Variants in MMEL1 observed in about 807,000 individuals in gnomAD.
MMEL1 encodes membrane metalloendopeptidase like 1, also known as membrane metallo-endopeptidase-like 1.
Under a neutral mutation model 117.1 loss-of-function variants are expected in MMEL1, and 98 were observed. The ratio of observed to expected loss-of-function variants is 0.84; its 90% confidence interval spans 0.71 to 0.99. The LOEUF is 0.99. Ranked by LOEUF, MMEL1 falls within the 50% of genes least tolerant of loss-of-function variation. The probability of loss-of-function intolerance (pLI) is 0.00; values close to 1 mark genes in which losing one functional copy is unlikely to be tolerated. For synonymous variants in MMEL1, 390 were observed against 415.1 expected, an observed-to-expected ratio of 0.94 and a Z score of 0.74; for missense variants, 1,014 against 1,049.1, an observed-to-expected ratio of 0.97 and a Z score of 0.46.
chr1:2,594,511 T>C, intron 17 of MMEL1, 68 bp from the exon 18 acceptor site: 1 of 1,512,704 alleles, frequency 6.6e-7, no homozygotes, highest in Non-Finnish European at 9.0e-7. Context: ...TCTCTCTGCC[T>C]TGATGGACCA....
chr1:2,619,291 A>T (rs1645253533), intron 2 of MMEL1, among the ~76,000 whole-genome samples: 1 of 152,202 alleles, frequency 6.6e-6, no homozygotes, highest in African/African-American at 2.4e-5. Context: ...TATGCCAGTG[A>T]GTGTTGGGCT....
Position 2,594,834 on chromosome 1 carries a change from G to T in MMEL1, c.1644C>A (p.Ala548=), listed in dbSNP as rs760632815. 1 of 1,613,882 alleles carries T rather than the reference G, an allele frequency of 6.2e-7. No homozygotes were observed. Among genetic ancestry groups the T allele is most frequent in the African/African-American group, 1.3e-5 (1 of 74,946 alleles). ...ENSLQNLKVG[A]QRSLRKLREK... The stretch of plus-strand genomic sequence containing the variant: ...CCCGAAGCTTCCTGAGGCTCCGCTG[G>T]GCGCCCACCTTGAGGTTCTGCAGAC... Residue 548 remains alanine, a synonymous_variant, in exon 17 of 24, where the codon GCC becomes GCA. Coordinates refer to ENST00000378412, the MANE Select transcript of MMEL1 (RefSeq NM_033467.4).
intron 2 of MMEL1, among the ~76,000 whole-genome samples, chr1:2,628,720 G>A (rs1219797830): frequency 6.6e-6 from 1 of 151,752 alleles, no homozygotes; most frequent in Non-Finnish European, 1.5e-5. Context: ...GGGGGCGGGG[G>A]GAGTGTTCCC....
At chr1:2,628,237 GGGCTGCGGTCT>G (rs1638362190) in intron 2 of MMEL1, among the ~76,000 whole-genome samples, 1 of 152,160 alleles carries the variant, frequency 6.6e-6, no homozygotes, top group Non-Finnish European at 1.5e-5. Flanking sequence ...AGAGGGCCAG[GGGCTGCGGTCT>G]GGGCAGCAGC....
At position 2,604,135 on chromosome 1, in the gene MMEL1, C is replaced by CCCCCCCCGAAACAT; in HGVS notation, c.951+11_951+12insATGTTTCGGGGGGG. On this transcript the variant is annotated intron_variant, in intron 10 of 23. Coordinates refer to ENST00000378412, the MANE Select transcript of MMEL1 (RefSeq NM_033467.4). ...CTCGCTGCCCGCTCCCCACCCGCCC[C>CCCCCCCCGAAACAT]GGCCCCCTTACCTTGGCCAGCTGTG... The CCCCCCCCGAAACAT allele has an allele frequency of 6.6e-7, 1 of 1,520,166 alleles. No individual in the cohort carries two copies. Among genetic ancestry groups the CCCCCCCCGAAACAT allele is most frequent in the Non-Finnish European group, 9.1e-7 (1 of 1,100,358 alleles). The allele number at this position is 1,520,166 out of a possible 1,614,324, so 94.2% of individuals were successfully genotyped here.
intron 6 of MMEL1, among the ~76,000 whole-genome samples, chr1:2,607,551 C>T (rs1488308672): frequency 2.0e-5 from 3 of 151,966 alleles, no homozygotes; most frequent in African/African-American, 7.3e-5. Flanking sequence ...ACGGTGGGGC[C>T]CCGACAAGCA....
At position 2,592,851 on chromosome 1, in the gene MMEL1, G is replaced by T; in HGVS notation, c.1983C>A (p.Asp661Glu). Reference protein sequence around the residue: ...MIYQYGNYSWDLADEQNVNGF... With the variant: ...MIYQYGNYSWELADEQNVNGF... Reference sequence around the variant, plus strand: ...CGCTCACGTTCTGTTCGTCTGCCAGGTCCCAGGAGTAGTTGCCGTACTGGT... The same window carrying T: ...CGCTCACGTTCTGTTCGTCTGCCAGTTCCCAGGAGTAGTTGCCGTACTGGT... The change falls in exon 20 of 24, where the codon GAC (aspartate) becomes GAA (glutamate). Residue 661 changes from aspartate (D) to glutamate (E), a missense_variant. Coordinates refer to ENST00000378412, the MANE Select transcript of MMEL1 (RefSeq NM_033467.4). 6.2e-7 allele frequency: 1 copy of T among 1,613,700 alleles called. No homozygotes were observed. Among genetic ancestry groups the T allele is most frequent in the African/African-American group, 1.3e-5 (1 of 74,976 alleles).
chr1:2,626,459 C>T (rs1020237650), intron 2 of MMEL1, among the ~76,000 whole-genome samples: 1 of 152,248 alleles, frequency 6.6e-6, no homozygotes, highest in Non-Finnish European at 1.5e-5. Flanking sequence ...CACATACATG[C>T]TTCATCTCAC....
chr1:2,596,122 T>C lies in MMEL1; in HGVS notation c.1402-15A>G. 3.7e-6 allele frequency: 6 copies of C among 1,607,878 alleles called. No homozygotes were observed. Among genetic ancestry groups the C allele is most frequent in the Non-Finnish European group, 4.3e-6 (5 of 1,174,434 alleles). On this transcript the variant is annotated splice_polypyrimidine_tract_variant and intron_variant, in intron 14 of 23. Transcript: ENST00000378412. ...AGTTCTCTGACCTGGGAATCGGGCA[T>C]GGCCCTCGTGTCCCAGACTCATCTG...
chr1:2,597,719 G>A lies in MMEL1; in HGVS notation c.1272+488C>T, dbSNP rs187019850. 1.8e-4 allele frequency among the ~76,000 whole-genome samples: 28 copies of A among 152,306 alleles called. No homozygotes were observed. In the East Asian group the frequency reaches 4.2e-3, roughly 23 times the overall value. On this transcript the variant is annotated intron_variant, in intron 13 of 23. Transcript: ENST00000378412. ...CTACAGGAGCAGCATATCTGACCGC[G>A]TCTCTGCTCTTAGCACCCCTGCGGC...
At chr1:2,620,664 A>C (rs182767690) in intron 2 of MMEL1, among the ~76,000 whole-genome samples, 16 of 152,190 alleles carry the variant, frequency 1.1e-4, no homozygotes, top group Admixed American at 9.8e-4. Flanking sequence ...TAAGAGGGGG[A>C]AGAAATGACA....
rs1644882953 is a variant in MMEL1, at chr1:2,598,565, C to T, written c.1178+89G>A. 7.0e-6 allele frequency: 11 copies of T among 1,576,210 alleles called. No homozygotes were observed. The South Asian group carries it at 1.3e-4, about 18-fold the overall frequency. ...CCTCAGGGCAGATGCTTCATAGGGT[C>T]CCCTCCTGGGAGCAGAAGCTGTGTT... On this transcript the variant is annotated intron_variant, in intron 12 of 23. Transcript: ENST00000378412.
At chr1:2,601,099 T>C (rs1483304638) in intron 11 of MMEL1, among the ~76,000 whole-genome samples, 2 of 152,194 alleles carry the variant, frequency 1.3e-5, no homozygotes, top group African/African-American at 4.8e-5. Context: ...TGTATGCAAA[T>C]GGAAGGCAGA....
At chr1:2,627,131 C>T (rs557157205) in intron 2 of MMEL1, among the ~76,000 whole-genome samples, 2 of 152,334 alleles carry the variant, frequency 1.3e-5, no homozygotes, top group South Asian at 2.1e-4. Context: ...AAGTCAGAAA[C>T]GGTGACTACA....
rs1319830346 is a variant in MMEL1, at chr1:2,612,207, G to A, written c.155-3C>T. On this transcript the variant is annotated splice_polypyrimidine_tract_variant and splice_region_variant and intron_variant, in intron 2 of 23. Coordinates refer to ENST00000378412, the MANE Select transcript of MMEL1 (RefSeq NM_033467.4). The surrounding 1 kb of genome is among the most constrained non-coding windows in gnomAD (Gnocchi z 5.4). ...AGCAAGGCGTGGCAGCTGCTTCCCT[G>A]GGGAGAAACACAGCGCTCAGCTGCG... The A allele has an allele frequency of 6.4e-7, 1 of 1,566,542 alleles. No individual in the cohort carries two copies.
chr1:2,595,179 G>C lies in MMEL1; in HGVS notation c.1584+97C>G. 1.8e-6 allele frequency: 2 copies of C among 1,119,822 alleles called. No individual in the cohort carries two copies. Among genetic ancestry groups the C allele is most frequent in the South Asian group, 1.4e-5 (1 of 70,782 alleles). 69.4% of individuals were successfully genotyped at this position (1,119,822 alleles called of 1,614,324 possible). On this transcript the variant is annotated intron_variant, in intron 16 of 23. Transcript: ENST00000378412. This position sits in a 1 kb window ranked among gnomAD's most constrained non-coding sequence, Gnocchi z 4.8. ...TGAGGACAGCTGTGTTAGCGCCTGG[G>C]AGGAGGGCACAGAGCTTGGCACAGA...
rs998313906 is a variant in MMEL1, at chr1:2,612,711, C to T, written c.155-507G>A. 6.6e-6 allele frequency among the ~76,000 whole-genome samples: 1 copy of T among 152,108 alleles called. No homozygotes were observed. Among genetic ancestry groups the T allele is most frequent in the Non-Finnish European group, 1.5e-5 (1 of 68,020 alleles). On this transcript the variant is annotated intron_variant, in intron 2 of 23. Coordinates refer to ENST00000378412, the MANE Select transcript of MMEL1 (RefSeq NM_033467.4). This position sits in a 1 kb window ranked among gnomAD's most constrained non-coding sequence, Gnocchi z 5.4. Reference sequence around the variant, plus strand: ...CCACCCTCACTGCTGCTGAAGGTGCCAAGCCACCCTCCCTCCATCTCTCTA... The same window carrying T: ...CCACCCTCACTGCTGCTGAAGGTGCTAAGCCACCCTCCCTCCATCTCTCTA...
Position 2,591,642 on chromosome 1 carries a change from A to G in MMEL1, c.2164-9T>C. 3.1e-6 allele frequency: 4 copies of G among 1,294,572 alleles called. No homozygotes were observed. The highest frequency in any genetic ancestry group is 4.1e-6 in the Non-Finnish European group (4 of 972,564). The allele number at this position is 1,294,572 out of a possible 1,614,324, so 80.2% of individuals were successfully genotyped here. On this transcript the variant is annotated splice_polypyrimidine_tract_variant and intron_variant, in intron 22 of 23. Transcript: ENST00000378412. The stretch of plus-strand genomic sequence containing the variant: ...TAGGACCCGCACCACACCTGTGGGC[A>G]TGTTGGGGGCGTGGCTACAGGTGGC...
At chr1:2,615,572 A>G (rs927616011) in intron 2 of MMEL1, among the ~76,000 whole-genome samples, 2 of 152,214 alleles carry the variant, frequency 1.3e-5, no homozygotes, top group Admixed American at 1.3e-4. Flanking sequence ...ACATGAGGGA[A>G]AACGGGGAAA....
Sources: gnomAD v4.1 joint callset for allele counts (sites outside exome capture counted in the v4.1 genomes callset) on GRCh38, gnomAD v4.1.1 for gene constraint, Gnocchi (gnomAD v3.1) non-coding constraint, MANE v1.5 for transcripts, NCBI Gene and HGNC (gene_info 2026-07-23, HGNC 2026-07-21) for gene names.